The following ALG1 variants were observed in gnomAD, a reference collection of about 807,000 sequenced individuals.
ALG1 encodes ALG1 chitobiosyldiphosphodolichol beta-mannosyltransferase.
Under a neutral mutation model 55.1 loss-of-function variants are expected in ALG1, and 58 were observed. The observed-to-expected ratio is 1.05, with a 90% confidence interval of 0.85 to 1.31. The LOEUF is 1.31. Ranked by LOEUF, ALG1 falls within the 50% of genes most tolerant of loss-of-function variation. ALG1 has a pLI of 0.00. For synonymous variants in ALG1, 309 were observed against 247.0 expected, an observed-to-expected ratio of 1.25 and a Z score of -2.35; for missense variants, 761 against 598.6, an observed-to-expected ratio of 1.27 and a Z score of -2.83.
rs542144469 is a variant in ALG1 at position 5,087,044 on chromosome 16, A to T, written c.*2163A>T. The T allele has an allele frequency of 6.6e-5, 10 of 152,308 alleles. No homozygotes were observed. The highest frequency in any genetic ancestry group is 1.4e-4 in the African/African-American group (6 of 41,564). 9.4% of individuals were successfully genotyped at this position (152,308 alleles called of 1,614,324 possible). A position where few individuals can be genotyped will look rare whatever the true frequency, so the allele number is the denominator to read the frequency against. ...TGCGTATTTATAAGAATGAAGTAGT[A>T]CAGACATGAATGTGTAGAAATCTCT... On this transcript the variant is annotated 3_prime_UTR_variant, in exon 13 of 13. Transcript: ENST00000262374.
rs565597982 is a variant in ALG1 at position 5,077,416 on chromosome 16, C to T, written c.540-29C>T. On this transcript the variant is annotated intron_variant, in intron 4 of 12. Transcript: ENST00000262374. ...GGTGGTAGCGGAGGCCTGTCTAGGG[C>T]TCTGCTGACTGCTGATCTCTCTTTT... is the stretch of plus-strand genomic sequence containing the variant. 1.6e-5 allele frequency: 26 copies of T among 1,596,990 alleles called. 1 individual carries two copies. In the South Asian group the frequency reaches 2.3e-4, roughly 14 times the overall value.
At position 5,072,052 on chromosome 16, in the gene ALG1, T is replaced by A. The variant is rs1314923558; in HGVS notation, c.203T>A (p.Phe68Tyr). 14 of 1,572,212 alleles carry A rather than the reference T, an allele frequency of 8.9e-6. No homozygotes were observed. Among genetic ancestry groups the A allele is most frequent in the Non-Finnish European group, 1.2e-5 (14 of 1,160,024 alleles). ...MHGFSVTLLG[F>Y]CNSKPHDELL... ...GGCTTCTCGGTGACCCTCCTGGGGTTCTGCAGTGAGTGGCCAAGGGTCTGG... is the reference window on the plus strand; with the variant it reads ...GGCTTCTCGGTGACCCTCCTGGGGTACTGCAGTGAGTGGCCAAGGGTCTGG... Residue 68 changes from phenylalanine to tyrosine, a missense_variant, in exon 1 of 13, where the codon TTC becomes TAC. Physicochemically the swap from Phe to Tyr is conservative, Grantham distance 22 (BLOSUM62 3). Coordinates refer to ENST00000262374, the MANE Select transcript of ALG1 (RefSeq NM_019109.5).
intron 1 of ALG1, 161 bp downstream of exon 1, chr16:5,072,218 G>C: frequency 6.5e-7 from 1 of 1,528,038 alleles, no homozygotes; most frequent in Non-Finnish European, 8.8e-7. Context: ...TCCTGGGTGG[G>C]TCTCTAGGTA....
intron 4 of ALG1, among the ~76,000 whole-genome samples, chr16:5,076,658 C>T (rs947651088): frequency 3.3e-5 from 5 of 152,198 alleles, no homozygotes; most frequent in African/African-American, 9.7e-5. Flanking sequence ...GCTCAGTCTC[C>T]GTTAGGAGAG....
intron 3 of ALG1, 193 bp downstream of exon 3, chr16:5,073,449 T>C (rs1956855402): frequency 1.6e-6 from 1 of 639,082 alleles, no homozygotes; most frequent in Admixed American, 2.5e-5. Context: ...ACAGATAGTC[T>C]TACATTGTAC....
chr16:5,072,206 T>C (rs1192392493), intron 1 of ALG1, 149 bp downstream of exon 1: 3 of 1,534,082 alleles, frequency 2.0e-6, no homozygotes, highest in Non-Finnish European at 2.6e-6. Flanking sequence ...TGCCCCAGCC[T>C]TTCCTGGGTG....
chr16:5,073,954 A>G (rs1956864849), intron 3 of ALG1, among the ~76,000 whole-genome samples: 1 of 152,228 alleles, frequency 6.6e-6, no homozygotes, highest in African/African-American at 2.4e-5. Flanking sequence ...ACCTCAGGTA[A>G]TCCGCCCCCC....
At position 5,075,556 on chromosome 16, in the gene ALG1, G is replaced by A. The variant is rs373926261; in HGVS notation, c.539+20G>A. On this transcript the variant is annotated intron_variant, in intron 4 of 12. Transcript: ENST00000262374. ...CAAGTGGTGAGAGTCTAGGAAGAGGGTAAAATACCGTCCCCTAAACCACTC... is the reference window on the plus strand; with the variant it reads ...CAAGTGGTGAGAGTCTAGGAAGAGGATAAAATACCGTCCCCTAAACCACTC... The A allele has an allele frequency of 3.1e-6, 5 of 1,613,444 alleles. No homozygotes were observed. Among genetic ancestry groups the A allele is most frequent in the Non-Finnish European group, 4.2e-6 (5 of 1,180,026 alleles).
rs1039436797 is a variant in ALG1 at position 5,084,719 on chromosome 16, G to A, written c.1264-31G>A. ...CTGGGATGGGGTGGGGACAGGCAAT[G>A]AGGTAAGCTCTGCTCTTTATTTTTT... On this transcript the variant is annotated intron_variant, in intron 12 of 12. Coordinates refer to ENST00000262374, the MANE Select transcript of ALG1 (RefSeq NM_019109.5). 2.5e-6 allele frequency: 4 copies of A among 1,596,326 alleles called. No individual in the cohort carries two copies. The African/African-American group carries it at 4.0e-5, about 16-fold the overall frequency.
intron 12 of ALG1, 58 bp from the exon 13 acceptor site, chr16:5,084,692 A>G (rs1957086075): frequency 1.3e-6 from 2 of 1,595,740 alleles, no homozygotes; most frequent in Admixed American, 3.3e-5. Flanking sequence ...CCAGGTGGTG[A>G]CCTGGGATGG....
intron 10 of ALG1, among the ~76,000 whole-genome samples, chr16:5,082,004 G>A (rs1253145544): frequency 6.6e-6 from 1 of 151,864 alleles, no homozygotes; most frequent in African/African-American, 2.4e-5. Context: ...GTGCAATGGT[G>A]TGATCTTGGC....
Position 5,077,545 on chromosome 16 carries a change from C to G in ALG1, c.629+11C>G, listed in dbSNP as rs776701190. The G allele has an allele frequency of 2.5e-6, 4 of 1,613,984 alleles. No homozygotes were observed. Among genetic ancestry groups the G allele is most frequent in the Non-Finnish European group, 2.5e-6 (3 of 1,179,846 alleles). ...TAACTGGCACATCAGGTACCATGGC[C>G]TGGGATGACGGCGGCCTGGGAGAGG... On this transcript the variant is annotated intron_variant, in intron 5 of 12. Transcript: ENST00000262374.
chr16:5,083,676 C>G lies in ALG1; in HGVS notation c.1188-6C>G. On this transcript the variant is annotated splice_polypyrimidine_tract_variant and splice_region_variant and intron_variant, in intron 11 of 12. Coordinates refer to ENST00000262374, the MANE Select transcript of ALG1 (RefSeq NM_019109.5). The stretch of plus-strand genomic sequence containing the variant: ...AGCTCTCAGGCTCCCTTGGTTCTCT[C>G]TGCAGTTTACATGAGCTGGTGAAAC... 1 of 1,600,896 alleles carries G rather than the reference C, an allele frequency of 6.2e-7. No homozygotes were observed. The highest frequency in any genetic ancestry group is 2.2e-5 in the East Asian group (1 of 44,874).
At chr16:5,076,814 T>G (rs1956922832) in intron 4 of ALG1, among the ~76,000 whole-genome samples, 1 of 120,236 alleles carries the variant, frequency 8.3e-6, no homozygotes, top group Non-Finnish European at 1.8e-5. Context: ...TTTTTTTTTT[T>G]GAGACAGTCT....
chr16:5,077,847 C>A, intron 5 of ALG1, 60 bp from the exon 6 acceptor site: 2 of 1,490,438 alleles, frequency 1.3e-6, no homozygotes, highest in South Asian at 2.3e-5. Context: ...GCCTCTGAGT[C>A]CTCTGTTCCT....
rs146732584 is a variant in ALG1, at chr16:5,087,272, C to G, written c.*2391C>G. 6.6e-6 allele frequency: 1 copy of G among 152,160 alleles called. No homozygotes were observed. The highest frequency in any genetic ancestry group is 2.4e-5 in the African/African-American group (1 of 41,428). The allele number at this position is 152,160 out of a possible 1,614,324, so 9.4% of individuals were successfully genotyped here. ...TGTTTGAAGAAAGTTTACAGATTTG[C>G]GTTGGGCCGCAAGTTGGACAAGACT... On this transcript the variant is annotated 3_prime_UTR_variant, in exon 13 of 13. Transcript: ENST00000262374.
In ALG1 at chr16:5,083,703, T is replaced by C; in HGVS notation, c.1209T>C (p.His403=). ...NFKCLHELVK[H]EENGLVFEDS... is the part of the protein sequence containing the mutation. Reference sequence around the variant, plus strand: ...GCAGTTTACATGAGCTGGTGAAACATGAAGAAAATGGCCTGGTCTTTGAGG... The same window carrying C: ...GCAGTTTACATGAGCTGGTGAAACACGAAGAAAATGGCCTGGTCTTTGAGG... The change falls in exon 12 of 13, where the codon CAT becomes CAC. Residue 403 remains histidine, a synonymous_variant. Transcript: ENST00000262374. 1.9e-6 allele frequency: 3 copies of C among 1,599,870 alleles called. No homozygotes were observed. The highest frequency in any genetic ancestry group is 2.5e-6 in the Non-Finnish European group (3 of 1,179,754).
In ALG1 at chr16:5,071,858, C is replaced by T. The variant is rs552094345; in HGVS notation, c.9C>T (p.Ala3=). The T allele has an allele frequency of 4.4e-6, 7 of 1,604,784 alleles. No individual in the cohort carries two copies. In the South Asian group the frequency reaches 6.6e-5, roughly 15 times the overall value. Residue 3 remains alanine, a synonymous_variant, in exon 1 of 13, where the codon GCC becomes GCT. Coordinates refer to ENST00000262374, the MANE Select transcript of ALG1 (RefSeq NM_019109.5). The stretch of plus-strand genomic sequence containing the variant: ...GCTGCGGGCCAGCCAAGATGGCGGC[C>T]TCATGCTTGGTCCTGCTGGCGCTGT... The part of the protein sequence containing the change: MA[A]SCLVLLALCL...
At chr16:5,073,597 A>G (rs946469099) in intron 3 of ALG1, among the ~76,000 whole-genome samples, 12 of 152,258 alleles carry the variant, frequency 7.9e-5, no homozygotes, top group African/African-American at 1.2e-4. Context: ...AGACTGAGAA[A>G]GGCTCTGTAA....
Sources: gnomAD v4.1 joint callset for allele counts (sites outside exome capture counted in the v4.1 genomes callset) on GRCh38, gnomAD v4.1.1 for gene constraint, MANE v1.5 for transcripts, NCBI Gene and HGNC (gene_info 2026-07-23, HGNC 2026-07-21) for gene names.